MED26: variants seen among roughly 807,000 people sequenced by gnomAD.
The protein encoded by MED26 is mediator complex subunit 26, also known as mediator of RNA polymerase II transcription subunit 26.
Under a neutral mutation model 43.7 loss-of-function variants are expected in MED26, and 7 were observed. The observed-to-expected ratio is 0.16, with a 90% CI of 0.09 to 0.30. MED26 has a LOEUF of 0.30. MED26 is among the 10% of genes least tolerant of loss of function. The probability of loss-of-function intolerance (pLI) is 1.00; values close to 1 mark genes in which losing one functional copy is unlikely to be tolerated. For missense variants in MED26, 784 were observed against 840.6 expected, an observed-to-expected ratio of 0.93 and a Z score of 0.83; for synonymous variants, 375 against 371.1, an observed-to-expected ratio of 1.01 and a Z score of -0.12.
intron 1 of MED26, among the ~76,000 whole-genome samples, chr19:16,627,643 C>T (rs1666445581): frequency 6.6e-6 from 1 of 152,250 alleles, no homozygotes; most frequent in African/African-American, 2.4e-5. Context: ...CGTCTGCTTC[C>T]TCCGCCCAGG....
intron 1 of MED26, among the ~76,000 whole-genome samples, chr19:16,604,014 C>T (rs541810737): frequency 6.6e-6 from 1 of 152,344 alleles, no homozygotes; most frequent in South Asian, 2.1e-4. Context: ...TAGAGGCTCC[C>T]CTGGGTGCAC....
chr19:16,607,767 T>C (rs989982454), intron 1 of MED26, among the ~76,000 whole-genome samples: 10 of 152,188 alleles, frequency 6.6e-5, no homozygotes, highest in Non-Finnish European at 1.0e-4. Flanking sequence ...TCAGTGTTAG[T>C]GTATTTTATG....
At chr19:16,627,559 G>C (rs746239389) in intron 1 of MED26, among the ~76,000 whole-genome samples, 32 of 152,234 alleles carry the variant, frequency 2.1e-4, no homozygotes, top group Admixed American at 6.5e-4. Context: ...GCGAGGCAGA[G>C]AAGCTTCGTC....
In MED26 at chr19:16,612,607, T is replaced by C. The variant is rs796437086; in HGVS notation, c.72+15265A>G. Among the ~76,000 whole-genome samples, 44 of 152,316 alleles carry C rather than the reference T, an allele frequency of 2.9e-4. 1 individual carries two copies. The highest frequency in any genetic ancestry group is 1.0e-3 in the African/African-American group (43 of 41,578). On this transcript the variant is annotated intron_variant, in intron 1 of 2. Coordinates refer to ENST00000263390, the MANE Select transcript of MED26 (RefSeq NM_004831.5). The stretch of plus-strand genomic sequence containing the variant: ...AGCCACAATTGTTGATTCTAAAGTA[T>C]GTCTCTACACAGGAAGAATATTGGC...
At chr19:16,627,193 G>A (rs1353313435) in intron 1 of MED26, among the ~76,000 whole-genome samples, 1 of 152,166 alleles carries the variant, frequency 6.6e-6, no homozygotes, top group African/African-American at 2.4e-5. Context: ...AATGGGTACT[G>A]AGGCCCAGAA....
At chr19:16,616,008 G>GC (rs879641712) in intron 1 of MED26, among the ~76,000 whole-genome samples, 5 of 152,202 alleles carry the variant, frequency 3.3e-5, no homozygotes, top group Admixed American at 2.6e-4. Context: ...GGAAGATGCA[G>GC]CCCCATTACT....
chr19:16,581,018 T>C (rs939886031), intron 1 of MED26, among the ~76,000 whole-genome samples: 4 of 152,320 alleles, frequency 2.6e-5, no homozygotes, highest in African/African-American at 4.8e-5. Flanking sequence ...GCTGGCCTCA[T>C]GGATTCTGGC....
intron 1 of MED26, among the ~76,000 whole-genome samples, chr19:16,626,409 T>C (rs1421398010): frequency 6.6e-6 from 1 of 152,200 alleles, no homozygotes; most frequent in Non-Finnish European, 1.5e-5. Flanking sequence ...GAAGGTTTTA[T>C]ATAGCTTGTG....
At chr19:16,591,998 C>A (rs986046627) in intron 1 of MED26, among the ~76,000 whole-genome samples, 3 of 152,196 alleles carry the variant, frequency 2.0e-5, no homozygotes, top group Non-Finnish European at 4.4e-5. Flanking sequence ...CCCCCCTAGA[C>A]CTCCTGCATC....
At position 16,628,004 on chromosome 19, in the gene MED26, C is replaced by CG; in HGVS notation, c.-62dup. On this transcript the variant is annotated 5_prime_UTR_variant, in exon 1 of 3. Coordinates refer to ENST00000263390, the MANE Select transcript of MED26 (RefSeq NM_004831.5). ...CGGGCGGGCGGGCTGAGGCGGGGGA[C>CG]GGGGGTCACTCACTCGCCGGCCTCC... 1 of 1,110,606 alleles carries CG rather than the reference C, an allele frequency of 9.0e-7. No homozygotes were observed. Among genetic ancestry groups the CG allele is most frequent in the African/African-American group, 1.6e-5 (1 of 61,532 alleles). The allele number at this position is 1,110,606 out of a possible 1,614,324, so 68.8% of individuals were successfully genotyped here. A position where few individuals can be genotyped will look rare whatever the true frequency, so the allele number is the denominator to read the frequency against.
At chr19:16,615,155 C>A (rs2086218347) in intron 1 of MED26, among the ~76,000 whole-genome samples, 1 of 152,108 alleles carries the variant, frequency 6.6e-6, no homozygotes, top group Non-Finnish European at 1.5e-5. Context: ...GACCAGGATG[C>A]CTGCAATAGT....
At position 16,577,320 on chromosome 19, in the gene MED26, G is replaced by A. The variant is rs371027623; in HGVS notation, c.510C>T (p.His170=). Residue 170 remains histidine (H), a synonymous_variant, in exon 3 of 3, where the codon CAC becomes CAT. Transcript: ENST00000263390. The surrounding 1 kb of genome is among the most constrained non-coding windows in gnomAD (Gnocchi z 8.1). ...GPPPKVSKAS[H]DPLVPNSSPL... Reference sequence around the variant, plus strand: ...GGGATGAGTTGGGGACCAGGGGGTCGTGGCTAGCTTTGGAGACCTTGGGTG... The same window carrying A: ...GGGATGAGTTGGGGACCAGGGGGTCATGGCTAGCTTTGGAGACCTTGGGTG... 3.4e-5 allele frequency: 54 copies of A among 1,611,756 alleles called. No homozygotes were observed. Among genetic ancestry groups the A allele is most frequent in the East Asian group, 8.9e-5 (4 of 44,852 alleles).
intron 1 of MED26, among the ~76,000 whole-genome samples, chr19:16,596,956 C>A (rs1052961887): frequency 6.6e-6 from 1 of 152,230 alleles, no homozygotes; most frequent in Admixed American, 6.5e-5. Context: ...ATATTCCAAC[C>A]TCACAAGAAG....
chr19:16,589,895 C>T (rs929488032), intron 1 of MED26, among the ~76,000 whole-genome samples: 3 of 152,166 alleles, frequency 2.0e-5, no homozygotes, highest in South Asian at 2.1e-4. Context: ...GCAAAGCAGC[C>T]CCTCGTTCCC....
At chr19:16,609,189 C>T (rs934436515) in intron 1 of MED26, among the ~76,000 whole-genome samples, 1 of 151,734 alleles carries the variant, frequency 6.6e-6, no homozygotes, top group Admixed American at 6.6e-5. Flanking sequence ...GTGGTGCACA[C>T]CTATAGTCGC....
At chr19:16,580,520 C>A (rs931654459) in intron 1 of MED26, among the ~76,000 whole-genome samples, 2 of 152,136 alleles carry the variant, frequency 1.3e-5, no homozygotes, top group South Asian at 2.1e-4. Flanking sequence ...AGGCACCCGC[C>A]ACCACGCCCA....
intron 1 of MED26, among the ~76,000 whole-genome samples, chr19:16,582,393 G>A (rs1474329912): frequency 6.6e-6 from 1 of 152,218 alleles, no homozygotes; most frequent in Non-Finnish European, 1.5e-5. Flanking sequence ...GGCACACTGA[G>A]CCAGAAGGCT....
chr19:16,614,526 C>T (rs1285683898), intron 1 of MED26, among the ~76,000 whole-genome samples: 1 of 119,926 alleles, frequency 8.3e-6, no homozygotes, highest in Non-Finnish European at 1.7e-5. Flanking sequence ...GACCCCATTT[C>T]AAAATAAAAT....
At chr19:16,603,340 G>T (rs930732700) in intron 1 of MED26, among the ~76,000 whole-genome samples, 1 of 152,154 alleles carries the variant, frequency 6.6e-6, no homozygotes, top group African/African-American at 2.4e-5. Context: ...GGGAGAACTT[G>T]CAAGGCCCAT....
Sources: allele counts gnomAD v4.1 joint callset (sites outside exome capture counted in the v4.1 genomes callset), GRCh38; gene constraint gnomAD v4.1.1; non-coding constraint Gnocchi (gnomAD v3.1); transcripts MANE v1.5; gene names NCBI Gene and HGNC (gene_info 2026-07-23, HGNC 2026-07-21).